CLIP1: variants seen among roughly 807,000 people sequenced by gnomAD.
The protein encoded by CLIP1 is CAP-Gly domain containing linker protein 1.
Under a neutral mutation model 161.6 loss-of-function variants are expected in CLIP1, and 66 were observed. The observed-to-expected ratio is 0.41, with a 90% confidence interval of 0.33 to 0.50. The LOEUF is 0.50. Among genes scored for constraint, CLIP1 ranks in the 20% least tolerant of loss-of-function variants. The pLI is 0.27. For missense variants in CLIP1, 1,376 were observed against 1,702.0 expected (o/e 0.81, Z 3.37); for synonymous variants, 598 against 626.2 (o/e 0.96, Z 0.67).
chr12:122,306,786 A>T (rs1181348805), intron 20 of CLIP1, among the ~76,000 whole-genome samples: 2 of 152,188 alleles, frequency 1.3e-5, no homozygotes, highest in Non-Finnish European at 2.9e-5. Flanking sequence ...AAAAAGTACC[A>T]GTAGGGTTCA....
At chr12:122,392,549 G>T (rs1291384142) in intron 1 of CLIP1, among the ~76,000 whole-genome samples, 2 of 152,022 alleles carry the variant, frequency 1.3e-5, no homozygotes, top group African/African-American at 4.8e-5. Context: ...AGTTAGTGCT[G>T]TACAACACTT....
chr12:122,360,654 T>A (rs78796756), intron 5 of CLIP1, among the ~76,000 whole-genome samples: 1 of 152,120 alleles, frequency 6.6e-6, no homozygotes, highest in African/African-American at 2.4e-5. Context: ...AATAATTTCA[T>A]AGAAAATAAT....
At position 122,376,000 on chromosome 12, in the gene CLIP1, G is replaced by A. The variant is rs374360263; in HGVS notation, c.657+1389C>T. Among the ~76,000 whole-genome samples, 12 of 151,840 alleles carry A rather than the reference G, an allele frequency of 7.9e-5. No individual in the cohort carries two copies. The East Asian group carries it at 1.7e-3, about 22-fold the overall frequency. On this transcript the variant is annotated intron_variant, in intron 3 of 25. Coordinates refer to ENST00000620786, the MANE Select transcript of CLIP1 (RefSeq NM_001247997.2). ...GTTGCCCAGGCTGGAGTGTAGTGAC[G>A]CGATCTTGGCTCACTGCAACCTCCA... is the stretch of plus-strand genomic sequence containing the variant.
chr12:122,400,356 T>G (rs1956100379), intron 1 of CLIP1: 1 of 151,876 alleles, frequency 6.6e-6, no homozygotes, highest in Non-Finnish European at 1.5e-5. Flanking sequence ...AAAAAAAAAT[T>G]ATGGGCCTGC....
chr12:122,333,776 G>A lies in CLIP1; in HGVS notation c.2710+251C>T, dbSNP rs142047581. Among the ~76,000 whole-genome samples the A allele has an allele frequency of 4.5e-3, 688 of 152,344 alleles. 19 individuals are homozygous for A. The highest frequency in any genetic ancestry group is 0.037 in the Admixed American group (568 of 15,290). ...AGGGTAGCTCAGATGAAAGATGGCC[G>A]TTGGCTTGGAGCAAGGATAGCAGTG... On this transcript the variant is annotated intron_variant, in intron 14 of 25. Transcript: ENST00000620786.
chr12:122,354,639 T>A, intron 6 of CLIP1, 83 bp from the exon 7 acceptor site: 1 of 1,096,212 alleles, frequency 9.1e-7, no homozygotes, highest in Non-Finnish European at 1.4e-6. Flanking sequence ...GAGCTGTGGG[T>A]CACCATGGTG....
rs534848635 is a variant in CLIP1 at position 122,299,484 on chromosome 12, A to C, written c.3594+10278T>G. On this transcript the variant is annotated intron_variant, in intron 20 of 25. Transcript: ENST00000620786. ...TTGCGCCAAAGGATGATTCCCACAG[A>C]ACCTAAACAAATCAGACGTTTGGCT... 3.3e-5 allele frequency among the ~76,000 whole-genome samples: 5 copies of C among 152,058 alleles called. 1 individual carries two copies. The South Asian group carries it at 1.0e-3, about 32-fold the overall frequency.
chr12:122,294,344 C>CAAAAAAAAAAAAAAAAAAAAAAAA (rs1210070129), intron 20 of CLIP1, among the ~76,000 whole-genome samples: 1 of 109,666 alleles, frequency 9.1e-6, no homozygotes. Flanking sequence ...AAAAAAAAAA[C>CAAAAAAAAAAAAAAAAAAAAAAAA]AAAAAAAAAA....
At chr12:122,321,018 TTAAATAAA>T (rs56780235) in intron 17 of CLIP1, among the ~76,000 whole-genome samples, 230 of 145,086 alleles carry the variant, frequency 1.6e-3, no homozygotes, top group Middle Eastern at 7.0e-3. Context: ...AGACTCTGTC[TTAAATAAA>T]TAAATAAATA....
chr12:122,276,951 GC>G, intron 24 of CLIP1: 2 of 156,874 alleles, frequency 1.3e-5, no homozygotes, highest in South Asian at 1.8e-4. Flanking sequence ...CTGTGCCCGG[GC>G]CCCCCACCCC....
At chr12:122,284,354 T>C (rs1955764656) in intron 21 of CLIP1, among the ~76,000 whole-genome samples, 3 of 151,444 alleles carry the variant, frequency 2.0e-5, no homozygotes, top group African/African-American at 7.3e-5. Flanking sequence ...ATTTGTTTCA[T>C]CTTTTTTTTT....
intron 10 of CLIP1, 150 bp from the exon 11 acceptor site, chr12:122,341,847 G>C (rs1253764198): frequency 2.0e-6 from 1 of 488,896 alleles, no homozygotes; most frequent in Non-Finnish European, 3.2e-6. Flanking sequence ...ACAATGGTGC[G>C]ATCTCAGCTC....
chr12:122,302,398 C>G (rs940955282), intron 20 of CLIP1, among the ~76,000 whole-genome samples: 1 of 152,138 alleles, frequency 6.6e-6, no homozygotes, highest in African/African-American at 2.4e-5. Context: ...CCATGCCCAC[C>G]ATAGAATTAT....
At position 122,341,543 on chromosome 12, in the gene CLIP1, G is replaced by T. The variant is rs762017537; in HGVS notation, c.1661C>A (p.Ser554Tyr). 2.5e-6 allele frequency: 4 copies of T among 1,613,900 alleles called. No homozygotes were observed. The East Asian group carries it at 8.9e-5, about 36-fold the overall frequency. The change falls in exon 11 of 26, where the codon TCT becomes TAT. Residue 554 changes from serine (S) to tyrosine (Y), a missense_variant. Ser to Tyr is a moderately radical substitution (Grantham distance 144). Transcript: ENST00000620786. ...GGTGACTTCTAACTTTTCTTGCAAAGAGCTTATCTCTTGCAAAAGGGAAAG... is the reference window on the plus strand; with the variant it reads ...GGTGACTTCTAACTTTTCTTGCAAATAGCTTATCTCTTGCAAAAGGGAAAG... ...MSLSLLQEISSLQEKLEVTRT... is the reference protein window; with the variant it reads ...MSLSLLQEISYLQEKLEVTRT...
At chr12:122,360,735 A>C (rs1297244031) in intron 5 of CLIP1, 2 of 485,864 alleles carry the variant, frequency 4.1e-6, no homozygotes, top group African/African-American at 3.9e-5. Flanking sequence ...TAAGCTTTTA[A>C]GAATCTGAAA....
chr12:122,310,464 T>C (rs1402266354), intron 19 of CLIP1, among the ~76,000 whole-genome samples: 1 of 152,196 alleles, frequency 6.6e-6, no homozygotes, highest in Non-Finnish European at 1.5e-5. Context: ...ATAACAGGTG[T>C]TTTATTTTAT....
intron 12 of CLIP1, among the ~76,000 whole-genome samples, chr12:122,335,837 T>A (rs1444685250): frequency 6.6e-6 from 1 of 151,776 alleles, no homozygotes; most frequent in African/African-American, 2.4e-5. Flanking sequence ...ACACGTTAAT[T>A]CACACTGTTA....
chr12:122,414,136 TTTTGTTTG>T (rs201579069), intron 1 of CLIP1, among the ~76,000 whole-genome samples: 1 of 152,102 alleles, frequency 6.6e-6, no homozygotes, highest in Non-Finnish European at 1.5e-5. Flanking sequence ...GGGGTTTGTT[TTTTGTTTG>T]TTTGTTTTTT....
At position 122,285,655 on chromosome 12, in the gene CLIP1, T is replaced by A. The variant is rs1424100094; in HGVS notation, c.3647+2834A>T. ...CACCCGACCTTTTTTTTTTTTTTTT[T>A]AAATGGAGACATAGTCTCACTATGT... On this transcript the variant is annotated intron_variant, in intron 21 of 25. Transcript: ENST00000620786. Among the ~76,000 whole-genome samples the A allele has an allele frequency of 3.1e-4, 46 of 148,826 alleles. 1 individual carries two copies. The highest frequency in any genetic ancestry group is 1.1e-3 in the African/African-American group (45 of 40,574).
Sources: gnomAD v4.1 joint callset for allele counts (sites outside exome capture counted in the v4.1 genomes callset) on GRCh38, gnomAD v4.1.1 for gene constraint, MANE v1.5 for transcripts, NCBI Gene and HGNC (gene_info 2026-07-23, HGNC 2026-07-21) for gene names.